RELL1: variants seen among roughly 807,000 people sequenced by gnomAD.
RELL1 encodes the protein RELT-like protein 1.
RELL1 carries 10 observed loss-of-function variants against 23.0 expected under a neutral mutation model. The ratio of observed to expected loss-of-function variants is 0.43; its 90% CI spans 0.27 to 0.74. RELL1 has a LOEUF of 0.74. Ranked by LOEUF, RELL1 falls within the 30% of genes least tolerant of loss-of-function variation. The pLI is 0.19. For missense variants in RELL1, 315 were observed against 364.4 expected (o/e 0.86, Z 1.10); for synonymous variants, 146 against 146.8 (o/e 0.99, Z 0.04).
intron 3 of RELL1, among the ~76,000 whole-genome samples, chr4:37,646,898 C>CT (rs886545292): frequency 6.6e-6 from 1 of 151,910 alleles, no homozygotes; most frequent in African/African-American, 2.4e-5. Flanking sequence ...TGGCTATTTA[C>CT]TTTTTTTGAA....
intron 1 of RELL1, among the ~76,000 whole-genome samples, chr4:37,668,516 T>C (rs1721626353): frequency 1.3e-5 from 2 of 151,814 alleles, no homozygotes; most frequent in South Asian, 4.1e-4. Flanking sequence ...CTTCACTCAG[T>C]GCTCAATGGT....
rs544323881 is a variant in RELL1 at position 37,605,076 on chromosome 4, G to C, written c.*4-13859C>G. Among the ~76,000 whole-genome samples, 10 of 152,290 alleles carry C rather than the reference G, an allele frequency of 6.6e-5. No individual in the cohort carries two copies. In the South Asian group the frequency reaches 2.1e-3, roughly 32 times the overall value. The stretch of plus-strand genomic sequence containing the variant: ...CATGTAAAAATATCATAGATAATAA[G>C]AGCCAGGTTTCCTCACTGTTGGAGA... On this transcript the variant is annotated intron_variant, in intron 6 of 6. Coordinates refer to the RELL1 transcript ENST00000314117.
intron 6 of RELL1, chr4:37,591,915 A>G (rs1308947807): frequency 6.6e-6 from 1 of 152,220 alleles, no homozygotes; most frequent in Non-Finnish European, 1.5e-5. Context: ...AATGTAAAGA[A>G]CTAATCTAGA....
intron 1 of RELL1, among the ~76,000 whole-genome samples, chr4:37,660,168 A>G (rs1721275385): frequency 6.6e-6 from 1 of 152,092 alleles, no homozygotes; most frequent in Admixed American, 6.6e-5. Context: ...CAAGATGGCT[A>G]AATGTCTAAA....
At chr4:37,660,620 G>A (rs1220730800) in intron 1 of RELL1, among the ~76,000 whole-genome samples, 2 of 152,174 alleles carry the variant, frequency 1.3e-5, no homozygotes, top group African/African-American at 4.8e-5. Context: ...CACAAAGCTC[G>A]GGGGAAGTCA....
chr4:37,608,077 A>G (rs12640317), downstream of RELL1, among the ~76,000 whole-genome samples: 18,804 of 152,216 alleles, frequency 0.12, 1,303 homozygotes, highest in East Asian at 0.28. Flanking sequence ...ATAAAATGAC[A>G]AACTTAATCT....
At chr4:37,653,830 G>A (rs1721032947) in intron 1 of RELL1, among the ~76,000 whole-genome samples, 1 of 152,184 alleles carries the variant, frequency 6.6e-6, no homozygotes, top group Non-Finnish European at 1.5e-5. Flanking sequence ...GGAAGCCTAA[G>A]CTTCCCTGTG....
intron 1 of RELL1, among the ~76,000 whole-genome samples, chr4:37,674,796 A>C (rs1721965357): frequency 6.6e-6 from 1 of 152,244 alleles, no homozygotes; most frequent in African/African-American, 2.4e-5. Flanking sequence ...TGAGAAAACC[A>C]GATAATGTTT....
At chr4:37,608,571 G>T (rs540813813), downstream of RELL1, among the ~76,000 whole-genome samples, 19 of 151,946 alleles carry the variant, frequency 1.3e-4, no homozygotes, top group Non-Finnish European at 2.2e-4. Flanking sequence ...TGAGGAAGCT[G>T]CAGAAAAAAG....
At position 37,638,432 on chromosome 4, in the gene RELL1, G is replaced by A. The variant is rs1335513527; in HGVS notation, c.443+15C>T. 1 of 1,603,004 alleles carries A rather than the reference G, an allele frequency of 6.2e-7. No homozygotes were observed. The highest frequency in any genetic ancestry group is 8.5e-7 in the Non-Finnish European group (1 of 1,171,734). On this transcript the variant is annotated intron_variant, in intron 4 of 6. Transcript: ENST00000454158. Reference sequence around the variant, plus strand: ...GAAAAGATGTCGCACTAAGAAAGAGGGGAGGAGCACTCACCTTTCAGGATC... The same window carrying A: ...GAAAAGATGTCGCACTAAGAAAGAGAGGAGGAGCACTCACCTTTCAGGATC...
intron 4 of RELL1, 68 bp downstream of exon 4, chr4:37,638,379 A>G: frequency 8.1e-7 from 1 of 1,234,194 alleles, no homozygotes; most frequent in Non-Finnish European, 1.2e-6. Flanking sequence ...AGAGCATTTC[A>G]GATGGCGCCA....
chr4:37,591,014 C>G (rs1718582321), exon 7 of RELL1: 1 of 1,586,892 alleles, frequency 6.3e-7, no homozygotes, highest in Non-Finnish European at 8.6e-7. Flanking sequence ...AGGGGATTTG[C>G]ACAGGGAGGT....
intron 1 of RELL1, among the ~76,000 whole-genome samples, chr4:37,651,025 A>G (rs1278259061): frequency 6.6e-6 from 1 of 150,508 alleles, no homozygotes; most frequent in South Asian, 2.1e-4. Context: ...GCACCACTGC[A>G]CTTCAGCCTG....
intron 6 of RELL1, among the ~76,000 whole-genome samples, chr4:37,630,386 AC>A (rs1024613785): frequency 1.1e-5 from 1 of 94,176 alleles, no homozygotes; most frequent in African/African-American, 4.7e-5. Flanking sequence ...TTTTTTTGAG[AC>A]CGAGTCTCGC....
downstream of RELL1, among the ~76,000 whole-genome samples, chr4:37,609,087 T>TGACA (rs1292057543): frequency 1.3e-5 from 2 of 152,204 alleles, no homozygotes; most frequent in African/African-American, 4.8e-5. Context: ...TGGAAGGAGA[T>TGACA]GACATCTAGG....
At chr4:37,666,772 T>A (rs1356745281) in intron 1 of RELL1, among the ~76,000 whole-genome samples, 2 of 152,154 alleles carry the variant, frequency 1.3e-5, no homozygotes, top group African/African-American at 4.8e-5. Flanking sequence ...CATCCCCACA[T>A]GCAAGCCAGT....
At chr4:37,657,363 C>T (rs1721152093) in intron 1 of RELL1, among the ~76,000 whole-genome samples, 1 of 152,092 alleles carries the variant, frequency 6.6e-6, no homozygotes, top group Admixed American at 6.5e-5. Context: ...TCCTTCTGAG[C>T]AAGCAAGGAG....
At chr4:37,613,599 T>G (rs1719480529) in intron 6 of RELL1, among the ~76,000 whole-genome samples, 1 of 151,940 alleles carries the variant, frequency 6.6e-6, no homozygotes, top group Non-Finnish European at 1.5e-5. Flanking sequence ...TCCCCCTTTC[T>G]CTCTCTTGCT....
At chr4:37,628,137 A>G (rs960731472) in intron 6 of RELL1, among the ~76,000 whole-genome samples, 1 of 152,152 alleles carries the variant, frequency 6.6e-6, no homozygotes, top group Non-Finnish European at 1.5e-5. Flanking sequence ...TTCAGGGCCT[A>G]TACTTCATTG....
Sources: allele counts gnomAD v4.1 joint callset (sites outside exome capture counted in the v4.1 genomes callset), GRCh38; gene constraint gnomAD v4.1.1; transcripts MANE v1.5; gene names NCBI Gene and HGNC (gene_info 2026-07-23, HGNC 2026-07-21).